Variants in CSMD2 observed in about 807,000 individuals in gnomAD.
CSMD2 encodes the protein CUB and Sushi multiple domains 2, also known as CUB and sushi domain-containing protein 2.
CSMD2 carries 130 observed loss-of-function variants against 398.5 expected under a neutral mutation model. That is an observed-to-expected ratio of 0.33 (90% CI 0.28 to 0.38). CSMD2 has a LOEUF of 0.38. Among genes scored for constraint, CSMD2 ranks in the 10% least tolerant of loss-of-function variants. The pLI is 1.00. For missense variants in CSMD2, 3,829 were observed against 4,764.9 expected (o/e 0.80, Z 5.78); for synonymous variants, 1,828 against 1,908.5 (o/e 0.96, Z 1.10).
chr1:33,540,913 A>G (rs1316424888), intron 59 of CSMD2, among the ~76,000 whole-genome samples: 1 of 151,166 alleles, frequency 6.6e-6, no homozygotes, highest in Non-Finnish European at 1.5e-5. Flanking sequence ...TGTTTGCGGG[A>G]CCCTCCCCTC....
chr1:33,707,246 C>G (rs1645817626), intron 22 of CSMD2, among the ~76,000 whole-genome samples: 1 of 152,208 alleles, frequency 6.6e-6, no homozygotes, highest in Non-Finnish European at 1.5e-5. Flanking sequence ...TGCTTATACT[C>G]CCTTCAAAAC....
chr1:33,878,321 C>T (rs1408928189), intron 5 of CSMD2: 3 of 152,288 alleles, frequency 2.0e-5, no homozygotes, highest in Non-Finnish European at 4.4e-5. Flanking sequence ...AACCACACTT[C>T]CCCTCTGACG....
At chr1:33,723,466 A>C (rs1291695870) in intron 19 of CSMD2, among the ~76,000 whole-genome samples, 1 of 152,258 alleles carries the variant, frequency 6.6e-6, no homozygotes, top group Non-Finnish European at 1.5e-5. Context: ...GCCCAGCCCC[A>C]GTGTCAGCCA....
intron 3 of CSMD2, among the ~76,000 whole-genome samples, chr1:33,944,131 A>T (rs1200833853): frequency 6.6e-6 from 1 of 152,148 alleles, no homozygotes; most frequent in East Asian, 1.9e-4. Flanking sequence ...TTAGTTATAA[A>T]AATAGCCAGC....
chr1:33,624,568 C>T lies in CSMD2; in HGVS notation c.5576G>A (p.Ser1859Asn), dbSNP rs767642932. 1 of 1,613,906 alleles carries T rather than the reference C, an allele frequency of 6.2e-7. No individual in the cohort carries two copies. The highest frequency in any genetic ancestry group is 8.5e-7 in the Non-Finnish European group (1 of 1,179,950). The change falls in exon 35 of 71, where the codon AGC becomes AAC. Residue 1859 changes from serine (S) to asparagine (N), a missense_variant. Physicochemically the swap from Ser to Asn is conservative, Grantham distance 46. Coordinates refer to ENST00000373381, the MANE Select transcript of CSMD2 (RefSeq NM_001281956.2). This position sits in a 1 kb window ranked among gnomAD's most constrained non-coding sequence, Gnocchi z 4.7. ...SPGFPEPYLN[S>N]LNCVWKIVVP... ...CACGATCTTCCACACACAGTTGAGG[C>T]TGTTGAGGTACGGCTCTGGGAAGCC...
At chr1:33,978,569 G>A (rs763532394) in intron 3 of CSMD2, among the ~76,000 whole-genome samples, 1 of 152,192 alleles carries the variant, frequency 6.6e-6, no homozygotes, top group Non-Finnish European at 1.5e-5. Context: ...AGAGGTCTAA[G>A]TTTGACACCT....
rs192653154 is a variant in CSMD2 at position 33,826,984 on chromosome 1, C to T, written c.1034-1210G>A. ...TTTACAAGTTCTTTACTTAAATCAG[C>T]GTCCTTGACTCCTCTTTCTCAAACC... On this transcript the variant is annotated intron_variant, in intron 6 of 70. Transcript: ENST00000373381. 1.7e-4 allele frequency among the ~76,000 whole-genome samples: 26 copies of T among 152,316 alleles called. No individual in the cohort carries two copies. In the East Asian group the frequency reaches 4.3e-3, roughly 25 times the overall value.
At chr1:33,680,624 T>C (rs1644876353) in intron 25 of CSMD2, among the ~76,000 whole-genome samples, 1 of 152,104 alleles carries the variant, frequency 6.6e-6, no homozygotes, top group African/African-American at 2.4e-5. Flanking sequence ...AGCCTCTCAG[T>C]CTCCTGCCCA....
chr1:33,908,739 G>A (rs1014012155), intron 5 of CSMD2, among the ~76,000 whole-genome samples: 1 of 152,216 alleles, frequency 6.6e-6, no homozygotes, highest in Non-Finnish European at 1.5e-5. Flanking sequence ...TAGAGTGCTG[G>A]AGCCCTGGCC....
intron 41 of CSMD2, among the ~76,000 whole-genome samples, chr1:33,608,150 G>A (rs906924205): frequency 6.6e-6 from 1 of 152,060 alleles, no homozygotes; most frequent in African/African-American, 2.4e-5. Context: ...AATCAGGGGC[G>A]AGTGAGCCCA....
intron 1 of CSMD2, among the ~76,000 whole-genome samples, chr1:34,148,174 C>T (rs1280245465): frequency 6.6e-6 from 1 of 152,220 alleles, no homozygotes; most frequent in Non-Finnish European, 1.5e-5. Flanking sequence ...ACTTTCTGGA[C>T]TAATCGGCTC....
chr1:34,003,527 C>T (rs144614367), intron 3 of CSMD2, among the ~76,000 whole-genome samples: 104 of 152,284 alleles, frequency 6.8e-4, no homozygotes, highest in African/African-American at 2.4e-3. Flanking sequence ...ATTGATTGGA[C>T]GCTGGGTGCC....
intron 1 of CSMD2, among the ~76,000 whole-genome samples, chr1:34,127,499 AG>A (rs1662866961): frequency 6.6e-6 from 1 of 151,966 alleles, no homozygotes; most frequent in South Asian, 2.1e-4. Context: ...TCCAGGAGTG[AG>A]GGGAGGAGGA....
chr1:33,789,083 G>C (rs1221424832), intron 11 of CSMD2, among the ~76,000 whole-genome samples: 1 of 152,102 alleles, frequency 6.6e-6, no homozygotes, highest in African/African-American at 2.4e-5. Context: ...TGTGTGACCT[G>C]TATTGCAGAA....
chr1:33,757,948 T>C (rs139685843), intron 13 of CSMD2, among the ~76,000 whole-genome samples: 147 of 152,286 alleles, frequency 9.7e-4, no homozygotes, highest in African/African-American at 3.4e-3. Context: ...TTTGAATCCA[T>C]CCTCCATATC....
chr1:33,926,040 AC>A (rs1644117149), intron 4 of CSMD2, among the ~76,000 whole-genome samples: 1 of 152,162 alleles, frequency 6.6e-6, no homozygotes, highest in African/African-American at 2.4e-5. Flanking sequence ...TCTGAGCACC[AC>A]ATATTTTGCC....
At chr1:34,073,379 A>G (rs1655957004) in intron 2 of CSMD2, among the ~76,000 whole-genome samples, 1 of 152,226 alleles carries the variant, frequency 6.6e-6, no homozygotes, top group Non-Finnish European at 1.5e-5. Context: ...TAATTAGTTT[A>G]CACTTAATTC....
Position 33,709,220 on chromosome 1 carries a change from A to G in CSMD2, c.3445T>C (p.Leu1149=), listed in dbSNP as rs757532847. The G allele has an allele frequency of 1.2e-6, 2 of 1,614,012 alleles. No homozygotes were observed. Among genetic ancestry groups the G allele is most frequent in the East Asian group, 4.5e-5 (2 of 44,876 alleles). The change falls in exon 22 of 71, where the codon TTG becomes CTG. Residue 1149 remains leucine (L), a synonymous_variant. Transcript: ENST00000373381. Reference sequence around the variant, plus strand: ...TTCACAGGAAAGTTGGGGGACAGCAAAGTACCCTGAGTGCCTGTGACTGAA... The same window carrying G: ...TTCACAGGAAAGTTGGGGGACAGCAGAGTACCCTGAGTGCCTGTGACTGAA... ...GNSVTGTQGT[L]LSPNFPVNYN... is the part of the protein sequence containing the mutation.
At chr1:33,849,793 A>G (rs1046961060) in intron 5 of CSMD2, among the ~76,000 whole-genome samples, 3 of 152,016 alleles carry the variant, frequency 2.0e-5, no homozygotes, top group African/African-American at 7.2e-5. Context: ...TTTGGATAGC[A>G]TCTCCAAAAT....
Sources: allele counts gnomAD v4.1 joint callset (sites outside exome capture counted in the v4.1 genomes callset), GRCh38; gene constraint gnomAD v4.1.1; non-coding constraint Gnocchi (gnomAD v3.1); transcripts MANE v1.5; gene names NCBI Gene and HGNC (gene_info 2026-07-23, HGNC 2026-07-21).